CDH13: variants seen among roughly 807,000 people sequenced by gnomAD.
CDH13 encodes cadherin 13, also known as cadherin-13.
CDH13 carries 24 observed loss-of-function variants against 63.8 expected under a neutral mutation model. The ratio of observed to expected loss-of-function variants is 0.38; its 90% CI spans 0.27 to 0.53. The LOEUF is 0.53. CDH13 is among the 20% of genes least tolerant of loss of function. The pLI, the probability that CDH13 is intolerant of heterozygous loss-of-function variation, is 0.85. For missense variants in CDH13, 1,049 were observed against 903.1 expected, an observed-to-expected ratio of 1.16 and a Z score of -2.07; for synonymous variants, 503 against 355.3, an observed-to-expected ratio of 1.42 and a Z score of -4.67.
At chr16:82,923,777 C>G (rs1482100445) in intron 2 of CDH13, among the ~76,000 whole-genome samples, 1 of 152,088 alleles carries the variant, frequency 6.6e-6, no homozygotes, top group African/African-American at 2.4e-5. Context: ...TTTATTTTTT[C>G]CTGGTCTATG....
chr16:82,928,770 T>C (rs1035598544), intron 2 of CDH13, among the ~76,000 whole-genome samples: 3 of 152,246 alleles, frequency 2.0e-5, no homozygotes, highest in African/African-American at 7.2e-5. Flanking sequence ...TTACACTTTT[T>C]ATTATATCTG....
chr16:83,499,416 C>T (rs2074219874), intron 7 of CDH13, among the ~76,000 whole-genome samples: 1 of 152,216 alleles, frequency 6.6e-6, no homozygotes, highest in Non-Finnish European at 1.5e-5. Flanking sequence ...TGACCGTCTT[C>T]AGATCTGGGT....
chr16:83,730,492 A>C (rs1910915376), intron 10 of CDH13, among the ~76,000 whole-genome samples: 1 of 152,180 alleles, frequency 6.6e-6, no homozygotes, highest in East Asian at 1.9e-4. Flanking sequence ...ACTTGGAGAT[A>C]CCTCCTTCTG....
At chr16:82,862,430 T>G (rs866338011) in intron 2 of CDH13, among the ~76,000 whole-genome samples, 22 of 152,320 alleles carry the variant, frequency 1.4e-4, no homozygotes, top group African/African-American at 5.3e-4. Flanking sequence ...TGGAAAAATG[T>G]GTGGTCATTG....
At chr16:83,573,367 G>A (rs1904820070) in intron 7 of CDH13, among the ~76,000 whole-genome samples, 1 of 152,148 alleles carries the variant, frequency 6.6e-6, no homozygotes, top group African/African-American at 2.4e-5. Context: ...GGAAGCCAAT[G>A]GGTTCAGCAA....
intron 2 of CDH13, among the ~76,000 whole-genome samples, chr16:82,928,950 G>A: frequency 6.6e-6 from 1 of 152,152 alleles, no homozygotes; most frequent in East Asian, 1.9e-4. Context: ...TCTCAGTCTA[G>A]GTTCAATATT....
chr16:82,965,184 C>A (rs1050512210), intron 2 of CDH13, among the ~76,000 whole-genome samples: 2 of 152,310 alleles, frequency 1.3e-5, no homozygotes, highest in African/African-American at 2.4e-5. Flanking sequence ...GCCCAAACCC[C>A]TCACCCGTCT....
chr16:83,114,358 A>G (rs1293854818), intron 3 of CDH13, among the ~76,000 whole-genome samples: 3 of 152,152 alleles, frequency 2.0e-5, no homozygotes, highest in Admixed American at 2.0e-4. Context: ...AGTGACTTGC[A>G]CCCATTTCTA....
chr16:82,730,087 A>G (rs979740469), intron 1 of CDH13, among the ~76,000 whole-genome samples: 1 of 152,194 alleles, frequency 6.6e-6, no homozygotes. Flanking sequence ...TATTCAGACC[A>G]CTTAGACTTT....
chr16:83,589,291 C>T (rs1214514146), intron 7 of CDH13, among the ~76,000 whole-genome samples: 1 of 118,988 alleles, frequency 8.4e-6, no homozygotes, highest in East Asian at 3.2e-4. Context: ...CCCCCCCGGA[C>T]CCCTCTCCCT....
chr16:83,132,087 A>T (rs1350143783), intron 4 of CDH13, among the ~76,000 whole-genome samples: 2 of 152,156 alleles, frequency 1.3e-5, no homozygotes, highest in Admixed American at 1.3e-4. Flanking sequence ...GGTGCCAAGG[A>T]GTCTGATAGT....
At chr16:83,370,353 A>G (rs1011069400) in intron 6 of CDH13, among the ~76,000 whole-genome samples, 6 of 148,666 alleles carry the variant, frequency 4.0e-5, no homozygotes, top group Non-Finnish European at 4.4e-5. Flanking sequence ...GCGCCACTGC[A>G]CTCCAGCCTG....
At chr16:83,680,049 G>A (rs533779136) in intron 10 of CDH13, among the ~76,000 whole-genome samples, 7 of 152,320 alleles carry the variant, frequency 4.6e-5, no homozygotes, top group African/African-American at 1.7e-4. Flanking sequence ...CTTGGGCAAA[G>A]AAAGAACGTG....
At chr16:82,759,190 G>A (rs1218192266) in intron 1 of CDH13, among the ~76,000 whole-genome samples, 1 of 152,204 alleles carries the variant, frequency 6.6e-6, no homozygotes. Context: ...TCCTTAGAGT[G>A]TCCCCACTGG....
intron 5 of CDH13, among the ~76,000 whole-genome samples, chr16:83,332,284 G>A (rs1946284): frequency 0.96 from 146,703 of 152,104 alleles, 70,944 homozygotes; most frequent in Non-Finnish European, 1. Context: ...TGGCTTAGAA[G>A]GGCCTTCTCC....
At chr16:82,929,911 A>T (rs1430510990) in intron 2 of CDH13, among the ~76,000 whole-genome samples, 5 of 152,006 alleles carry the variant, frequency 3.3e-5, no homozygotes, top group African/African-American at 1.2e-4. Flanking sequence ...CACAAACCAA[A>T]CACATACACA....
intron 6 of CDH13, among the ~76,000 whole-genome samples, chr16:83,348,279 C>T (rs188782215): frequency 6.6e-6 from 1 of 152,188 alleles, no homozygotes; most frequent in Non-Finnish European, 1.5e-5. Flanking sequence ...GCAGGCCCAG[C>T]TGGGGGAAGT....
intron 6 of CDH13, among the ~76,000 whole-genome samples, chr16:83,363,658 C>T (rs1203433480): frequency 1.3e-5 from 2 of 152,172 alleles, no homozygotes; most frequent in Non-Finnish European, 1.5e-5. Context: ...ATAGGCATGT[C>T]AGTTTCCAAG....
At chr16:82,725,423 A>G (rs2033039869) in intron 1 of CDH13, among the ~76,000 whole-genome samples, 1 of 152,194 alleles carries the variant, frequency 6.6e-6, no homozygotes, top group Admixed American at 6.5e-5. Flanking sequence ...TAGCTCCACC[A>G]CTTAGCAGCA....
Sources: gnomAD v4.1 joint callset for allele counts (sites outside exome capture counted in the v4.1 genomes callset) on GRCh38, gnomAD v4.1.1 for gene constraint, MANE v1.5 for transcripts, NCBI Gene and HGNC (gene_info 2026-07-23, HGNC 2026-07-21) for gene names.